Variants in MSRB3 observed in about 807,000 individuals in gnomAD.
The protein encoded by MSRB3 is methionine-R-sulfoxide reductase B3.
MSRB3 carries 13 observed loss-of-function variants against 21.0 expected under a neutral mutation model. The ratio of observed to expected loss-of-function variants is 0.62; its 90% CI spans 0.40 to 0.98. The LOEUF (loss-of-function observed/expected upper bound fraction) is 0.98. Ranked by LOEUF, MSRB3 falls within the 50% of genes least tolerant of loss-of-function variation. MSRB3 has a pLI of 0.00. For missense variants in MSRB3, 199 were observed against 230.3 expected, an observed-to-expected ratio of 0.86 and a Z score of 0.88; for synonymous variants, 87 against 88.6, an observed-to-expected ratio of 0.98 and a Z score of 0.10.
intron 5 of MSRB3, among the ~76,000 whole-genome samples, chr12:65,413,438 C>T (rs765641451): frequency 2.6e-5 from 4 of 152,130 alleles, no homozygotes; most frequent in African/African-American, 7.2e-5. Context: ...GCCTGACAGC[C>T]CTCAGTAAAG....
chr12:65,374,747 AAT>A (rs370769343), intron 5 of MSRB3, among the ~76,000 whole-genome samples: 5 of 152,240 alleles, frequency 3.3e-5, no homozygotes, highest in Admixed American at 6.5e-5. Flanking sequence ...CACACTGACA[AAT>A]ATTTGTGAAT....
chr12:65,417,521 C>G (rs970192678), intron 5 of MSRB3, among the ~76,000 whole-genome samples: 2 of 152,124 alleles, frequency 1.3e-5, no homozygotes, highest in Non-Finnish European at 1.5e-5. Context: ...AATCTACTCT[C>G]TTAGCAATTC....
chr12:65,313,845 C>T (rs1874135231), intron 2 of MSRB3, among the ~76,000 whole-genome samples: 1 of 152,024 alleles, frequency 6.6e-6, no homozygotes. Flanking sequence ...AAATTTCAAC[C>T]CGTAATTCAC....
intron 1 of MSRB3, among the ~76,000 whole-genome samples, chr12:65,297,275 T>G (rs1376813914): frequency 2.0e-5 from 3 of 152,096 alleles, no homozygotes; most frequent in Admixed American, 6.5e-5. Flanking sequence ...CATGCTGGGC[T>G]TAATACCTAG....
intron 5 of MSRB3, among the ~76,000 whole-genome samples, chr12:65,433,762 C>T (rs1881992022): frequency 6.6e-6 from 1 of 151,916 alleles, no homozygotes; most frequent in East Asian, 1.9e-4. Context: ...CTGCTCCCTT[C>T]CCCAGGGTTG....
chr12:65,302,273 GAAT>G (rs1271610570), intron 1 of MSRB3, among the ~76,000 whole-genome samples: 1 of 152,002 alleles, frequency 6.6e-6, no homozygotes, highest in Non-Finnish European at 1.5e-5. Context: ...AGAGATGAAA[GAAT>G]ACAAATAAAA....
chr12:65,294,377 G>A (rs1872830130), intron 1 of MSRB3, among the ~76,000 whole-genome samples: 1 of 152,170 alleles, frequency 6.6e-6, no homozygotes, highest in Non-Finnish European at 1.5e-5. Context: ...GTTAGGAGTT[G>A]GCCTTTTCTT....
intron 2 of MSRB3, among the ~76,000 whole-genome samples, chr12:65,315,804 A>T (rs749227101): frequency 6.6e-6 from 1 of 152,054 alleles, no homozygotes; most frequent in Non-Finnish European, 1.5e-5. Flanking sequence ...TTTCAGTACT[A>T]GATGTATTTA....
At chr12:65,310,086 A>G (rs1407304106) in intron 2 of MSRB3, among the ~76,000 whole-genome samples, 1 of 152,134 alleles carries the variant, frequency 6.6e-6, no homozygotes, top group African/African-American at 2.4e-5. Context: ...TAGAAGGAGT[A>G]AGGTATTTGT....
At chr12:65,394,151 G>A (rs887724851) in intron 5 of MSRB3, among the ~76,000 whole-genome samples, 2 of 151,970 alleles carry the variant, frequency 1.3e-5, no homozygotes, top group South Asian at 2.1e-4. Context: ...GCTTCTATAT[G>A]CTTGCGTATA....
intron 5 of MSRB3, among the ~76,000 whole-genome samples, chr12:65,430,903 G>GGTTTT (rs1881846249): frequency 6.6e-6 from 1 of 152,070 alleles, no homozygotes; most frequent in African/African-American, 2.4e-5. Flanking sequence ...CAAGTCTGGT[G>GGTTTT]CCCTTAAAGT....
chr12:65,328,448 GAAATATATTTTAAGC>G (rs1435992274), intron 3 of MSRB3, 63 bp from the exon 4 acceptor site: 1 of 1,029,264 alleles, frequency 9.7e-7, no homozygotes, highest in Non-Finnish European at 1.5e-6. Flanking sequence ...ATTTATTAGA[GAAATATATTTTAAGC>G]AAATACATTC....
chr12:65,324,333 C>T (rs528143967), intron 2 of MSRB3, among the ~76,000 whole-genome samples: 10 of 152,200 alleles, frequency 6.6e-5, no homozygotes, highest in African/African-American at 2.2e-4. Flanking sequence ...CCAAATAAGA[C>T]GGAGACTAAC....
intron 5 of MSRB3, among the ~76,000 whole-genome samples, chr12:65,425,606 A>C (rs1881559641): frequency 6.6e-6 from 1 of 152,080 alleles, no homozygotes; most frequent in Admixed American, 6.5e-5. Flanking sequence ...TAACAAGTTA[A>C]CTTTGATTGT....
At chr12:65,429,969 G>A (rs1479334021) in intron 5 of MSRB3, among the ~76,000 whole-genome samples, 6 of 152,178 alleles carry the variant, frequency 3.9e-5, no homozygotes, top group African/African-American at 9.7e-5. Context: ...GAAAGTTAGT[G>A]TAGAATCCAA....
At chr12:65,442,544 G>A (rs1276652711) in intron 5 of MSRB3, among the ~76,000 whole-genome samples, 1 of 152,030 alleles carries the variant, frequency 6.6e-6, no homozygotes, top group Non-Finnish European at 1.5e-5. Context: ...GTTAAGCACA[G>A]TAAATAATCT....
At chr12:65,459,472 A>G (rs901748470) in intron 6 of MSRB3, among the ~76,000 whole-genome samples, 4 of 152,160 alleles carry the variant, frequency 2.6e-5, no homozygotes, top group Non-Finnish European at 4.4e-5. Context: ...TGGTGACTTC[A>G]CAGTCATTTC....
chr12:65,371,573 A>ATGTGTGTG (rs149808439), intron 5 of MSRB3, among the ~76,000 whole-genome samples: 80 of 147,876 alleles, frequency 5.4e-4, no homozygotes, highest in African/African-American at 1.7e-3. Flanking sequence ...GTTAAATTTT[A>ATGTGTGTG]TGTGTGTGTG....
chr12:65,378,832 T>C (rs1380152436), intron 5 of MSRB3, among the ~76,000 whole-genome samples: 14 of 152,238 alleles, frequency 9.2e-5, no homozygotes, highest in Non-Finnish European at 1.6e-4. Context: ...AATACTTACA[T>C]CTGCATGATC....
Sources: gnomAD v4.1 joint callset for allele counts (sites outside exome capture counted in the v4.1 genomes callset) on GRCh38, gnomAD v4.1.1 for gene constraint, MANE v1.5 for transcripts, NCBI Gene and HGNC (gene_info 2026-07-23, HGNC 2026-07-21) for gene names.